The following RBM47 variants were observed in gnomAD, a reference collection of about 807,000 sequenced individuals.
RBM47 encodes the protein RNA-binding protein 47.
Under a neutral mutation model 47.1 loss-of-function variants are expected in RBM47, and 21 were observed. The ratio of observed to expected loss-of-function variants is 0.45; its 90% CI spans 0.32 to 0.64. RBM47 has a LOEUF of 0.64. Ranked by LOEUF, RBM47 falls within the 30% of genes least tolerant of loss-of-function variation. The pLI is 0.05. For synonymous variants in RBM47, 375 were observed against 361.7 expected (o/e 1.04, Z -0.42); for missense variants, 708 against 870.9 (o/e 0.81, Z 2.35).
intron 1 of RBM47, among the ~76,000 whole-genome samples, chr4:40,551,285 A>C (rs1054763653): frequency 1.3e-5 from 2 of 152,192 alleles, no homozygotes; most frequent in Admixed American, 1.3e-4. Flanking sequence ...ATCTCTGTTT[A>C]CTTTGCTGCT....
At chr4:40,509,160 A>AAAATAAATAAAT (rs139292597) in intron 2 of RBM47, among the ~76,000 whole-genome samples, 18,259 of 146,276 alleles carry the variant, frequency 0.12, 1,286 homozygotes, top group Middle Eastern at 0.17. Context: ...CCTCCATCTC[A>AAAATAAATAAAT]AAATAAATAA....
Position 40,549,524 on chromosome 4 carries a change from G to GTT in RBM47, c.-239-5020_-239-5019dup, listed in dbSNP as rs11381654. On this transcript the variant is annotated intron_variant, in intron 1 of 6. Transcript: ENST00000295971. ...CAATAAATGTTTTTTTTGTTTGTTCGTTTTTTTTTTTTTTTTGAGATGAAG... is the reference window on the plus strand; with the variant it reads ...CAATAAATGTTTTTTTTGTTTGTTCGTTTTTTTTTTTTTTTTTTGAGATGAAG... Among the ~76,000 whole-genome samples the GTT allele has an allele frequency of 6.6e-3, 880 of 132,724 alleles. 15 individuals carry two copies. The highest frequency in any genetic ancestry group is 0.019 in the African/African-American group (692 of 35,732). The allele number at this position is 132,724 out of a possible 152,430, so 87.1% of individuals were successfully genotyped here.
intron 2 of RBM47, among the ~76,000 whole-genome samples, chr4:40,469,464 C>G (rs562534423): frequency 7.0e-6 from 1 of 143,738 alleles, no homozygotes; most frequent in South Asian, 2.2e-4. Flanking sequence ...GATGGCGTCT[C>G]ACTCCATCCC....
chr4:40,608,808 G>C (rs186790537), intron 1 of RBM47, among the ~76,000 whole-genome samples: 40 of 152,276 alleles, frequency 2.6e-4, no homozygotes, highest in African/African-American at 9.1e-4. Flanking sequence ...ATGTTGTGAA[G>C]TAAATGTAAA....
chr4:40,569,761 A>G (rs1731528520), intron 1 of RBM47, among the ~76,000 whole-genome samples: 1 of 148,242 alleles, frequency 6.7e-6, no homozygotes, highest in Non-Finnish European at 1.5e-5. Context: ...CCCAGGTTGG[A>G]GTGCAGTGCC....
chr4:40,485,113 T>G (rs1186696252), intron 2 of RBM47, among the ~76,000 whole-genome samples: 1 of 152,236 alleles, frequency 6.6e-6, no homozygotes, highest in Non-Finnish European at 1.5e-5. Context: ...TTACAAAGTA[T>G]ACCCAAGGTA....
At chr4:40,506,322 AT>A (rs757328119) in intron 2 of RBM47, among the ~76,000 whole-genome samples, 4 of 152,200 alleles carry the variant, frequency 2.6e-5, no homozygotes, top group Non-Finnish European at 4.4e-5. Flanking sequence ...TGAATTCACT[AT>A]TAAGTAAGAG....
At chr4:40,434,924 C>A (rs1175609149) in intron 5 of RBM47, among the ~76,000 whole-genome samples, 2 of 152,130 alleles carry the variant, frequency 1.3e-5, no homozygotes, top group Non-Finnish European at 2.9e-5. Context: ...CCTGCTGAAG[C>A]CAGGAGGGGT....
intron 1 of RBM47, among the ~76,000 whole-genome samples, chr4:40,569,448 C>G (rs557341424): frequency 1.8e-4 from 26 of 148,392 alleles, no homozygotes; most frequent in Non-Finnish European, 3.3e-4. Flanking sequence ...CTGGCTCTGT[C>G]GCCCAGGCTG....
At chr4:40,512,714 C>CA (rs542452466) in intron 2 of RBM47, among the ~76,000 whole-genome samples, 3,088 of 42,164 alleles carry the variant, frequency 0.073, 87 homozygotes, top group East Asian at 0.16. Flanking sequence ...GACTTCATCT[C>CA]AAAAAAAAAA....
chr4:40,574,796 G>A (rs1314505179), intron 1 of RBM47, among the ~76,000 whole-genome samples: 1 of 152,168 alleles, frequency 6.6e-6, no homozygotes, highest in Non-Finnish European at 1.5e-5. Context: ...GTTGCATTGA[G>A]CCAAGATCAC....
chr4:40,574,314 T>C (rs531166598), intron 1 of RBM47, among the ~76,000 whole-genome samples: 73 of 152,340 alleles, frequency 4.8e-4, no homozygotes, highest in African/African-American at 1.8e-3. Flanking sequence ...AGTTTAATTC[T>C]GGTTTTTCTA....
chr4:40,621,142 C>T (rs531928582), intron 1 of RBM47, among the ~76,000 whole-genome samples: 10 of 151,994 alleles, frequency 6.6e-5, no homozygotes, highest in Non-Finnish European at 1.0e-4. Flanking sequence ...TTTTTTACTG[C>T]AAAGAACCTT....
At chr4:40,512,588 G>A (rs1725079110) in intron 2 of RBM47, among the ~76,000 whole-genome samples, 1 of 147,388 alleles carries the variant, frequency 6.8e-6, no homozygotes, top group South Asian at 2.1e-4. Context: ...GATGGTGGCT[G>A]CCAGTAATCC....
At chr4:40,560,895 G>A (rs1259867310) in intron 1 of RBM47, among the ~76,000 whole-genome samples, 5 of 151,920 alleles carry the variant, frequency 3.3e-5, no homozygotes, top group Non-Finnish European at 7.4e-5. Flanking sequence ...GCACACAGAA[G>A]TGGAGGTTGC....
intron 2 of RBM47, chr4:40,501,947 C>G (rs1723432432): frequency 6.5e-6 from 1 of 153,210 alleles, no homozygotes; most frequent in Admixed American, 6.6e-5. Flanking sequence ...AGGCAGAATT[C>G]CCTTTCTGAT....
At chr4:40,549,182 C>G (rs1729312158) in intron 1 of RBM47, among the ~76,000 whole-genome samples, 1 of 152,076 alleles carries the variant, frequency 6.6e-6, no homozygotes, top group Admixed American at 6.6e-5. Flanking sequence ...ACCTCCGCCC[C>G]CTGGGTTCAA....
chr4:40,611,848 G>A (rs920123110), intron 1 of RBM47, among the ~76,000 whole-genome samples: 1 of 152,150 alleles, frequency 6.6e-6, no homozygotes, highest in African/African-American at 2.4e-5. Flanking sequence ...GAGCATCTGA[G>A]ATTAAACTGG....
intron 2 of RBM47, among the ~76,000 whole-genome samples, chr4:40,513,289 T>C (rs1444441498): frequency 1.3e-5 from 2 of 152,246 alleles, no homozygotes; most frequent in African/African-American, 2.4e-5. Context: ...TCTTTCATAA[T>C]TGGTGAGCTC....
Sources: gnomAD v4.1 joint callset for allele counts (sites outside exome capture counted in the v4.1 genomes callset) on GRCh38, gnomAD v4.1.1 for gene constraint, MANE v1.5 for transcripts, NCBI Gene and HGNC (gene_info 2026-07-23, HGNC 2026-07-21) for gene names.